The following SCAMP1 variants were observed in gnomAD, a reference collection of about 807,000 sequenced individuals.
SCAMP1 encodes secretory carrier membrane protein 1.
In SCAMP1, 15 loss-of-function variants were observed where a neutral mutation model predicts 41.8. That is an observed-to-expected ratio of 0.36 (90% CI 0.24 to 0.55). SCAMP1 has a LOEUF of 0.55. Ranked by LOEUF, SCAMP1 falls within the 20% of genes least tolerant of loss-of-function variation. The pLI, the probability that SCAMP1 is intolerant of heterozygous loss-of-function variation, is 0.86. For missense variants in SCAMP1, 341 were observed against 412.6 expected (o/e 0.83, Z 1.50); for synonymous variants, 135 against 136.8 (o/e 0.99, Z 0.09).
intron 2 of SCAMP1, among the ~76,000 whole-genome samples, chr5:78,389,601 A>G (rs1397668393): frequency 6.6e-6 from 1 of 152,114 alleles, no homozygotes; most frequent in African/African-American, 2.4e-5. Flanking sequence ...AAAATGTACA[A>G]GTATGAAAAA....
intron 7 of SCAMP1, 93 bp downstream of exon 7, chr5:78,450,127 T>G (rs116527093): frequency 1.5e-6 from 1 of 684,060 alleles, no homozygotes; most frequent in Non-Finnish European, 2.5e-6. Flanking sequence ...TAAACCAGAT[T>G]AGAAAAATTA....
At chr5:78,377,361 G>C (rs145365868) in intron 1 of SCAMP1, among the ~76,000 whole-genome samples, 34 of 152,188 alleles carry the variant, frequency 2.2e-4, no homozygotes, top group African/African-American at 8.2e-4. Flanking sequence ...GCTGTTGTCA[G>C]CTTCTACTGC....
intron 2 of SCAMP1, among the ~76,000 whole-genome samples, chr5:78,402,768 C>T (rs757438325): frequency 5.0e-4 from 76 of 151,540 alleles, no homozygotes; most frequent in Non-Finnish European, 7.4e-4. Context: ...GCCTTGAGAC[C>T]GTTGATGTTC....
chr5:78,446,746 G>T (rs1376470079), intron 6 of SCAMP1, among the ~76,000 whole-genome samples: 1 of 152,158 alleles, frequency 6.6e-6, no homozygotes, highest in Non-Finnish European at 1.5e-5. Context: ...TTTCTCAGCT[G>T]TATGGTCATT....
chr5:78,467,534 G>A (rs1327311478), intron 8 of SCAMP1, among the ~76,000 whole-genome samples: 7 of 152,128 alleles, frequency 4.6e-5, no homozygotes, highest in Non-Finnish European at 7.3e-5. Context: ...TGACTTTCTC[G>A]AATAAAAGTA....
chr5:78,412,503 T>C (rs1180216134), intron 2 of SCAMP1, among the ~76,000 whole-genome samples: 1 of 152,188 alleles, frequency 6.6e-6, no homozygotes, highest in African/African-American at 2.4e-5. Context: ...ACCTTTTGTA[T>C]TTCCATTGAC....
intron 4 of SCAMP1, 81 bp downstream of exon 4, chr5:78,416,730 C>T (rs1378768856): frequency 2.8e-6 from 3 of 1,055,822 alleles, no homozygotes; most frequent in African/African-American, 1.6e-5. Context: ...GGTCATTTGG[C>T]CTGTGGATAA....
At chr5:78,382,843 G>A (rs913575941) in intron 1 of SCAMP1, among the ~76,000 whole-genome samples, 6 of 146,922 alleles carry the variant, frequency 4.1e-5, no homozygotes, top group South Asian at 2.2e-4. Context: ...GTATCCACTC[G>A]TTGATTGATA....
chr5:78,383,217 T>C (rs1451248480), intron 1 of SCAMP1, among the ~76,000 whole-genome samples: 7 of 152,228 alleles, frequency 4.6e-5, no homozygotes, highest in Admixed American at 3.3e-4. Flanking sequence ...TTCATATGTT[T>C]ATGGGCCATT....
At chr5:78,460,820 C>CTTTCTTTCTTTCTTTCTTT (rs1201206613) in intron 8 of SCAMP1, among the ~76,000 whole-genome samples, 2 of 28,172 alleles carry the variant, frequency 7.1e-5, no homozygotes, top group Non-Finnish European at 2.4e-4. Context: ...TTCCTTCCTT[C>CTTTCTTTCTTTCTTTCTTT]CTTTCTTGTC....
At position 78,421,863 on chromosome 5, in the gene SCAMP1, G is replaced by C; in HGVS notation, c.535G>C (p.Ala179Pro). 1 of 1,613,786 alleles carries C rather than the reference G, an allele frequency of 6.2e-7. No homozygotes were observed. The highest frequency in any genetic ancestry group is 8.5e-7 in the Non-Finnish European group (1 of 1,179,782). ...GCLAWFCVDS[A>P]RAVDFGLSIL... ...CTTGGCTTGGTTTTGTGTTGATTCT[G>C]CAAGAGCGGTTGATTTTGGATTGAG... The change falls in exon 6 of 9, where the codon GCA (alanine) becomes CCA (proline). Residue 179 changes from alanine to proline, a missense_variant. Coordinates refer to ENST00000621999, the MANE Select transcript of SCAMP1 (RefSeq NM_004866.6).
intron 2 of SCAMP1, among the ~76,000 whole-genome samples, chr5:78,399,299 A>G (rs1358952605): frequency 3.9e-5 from 6 of 152,308 alleles, no homozygotes; most frequent in African/African-American, 4.8e-5. Context: ...GGTTTTTTGT[A>G]TGGATGTAAG....
chr5:78,429,709 C>T (rs771294754), intron 6 of SCAMP1, among the ~76,000 whole-genome samples: 4 of 152,006 alleles, frequency 2.6e-5, no homozygotes, highest in Non-Finnish European at 4.4e-5. Flanking sequence ...AGATGTTTCT[C>T]AGTTTGTTAT....
At chr5:78,391,791 G>A (rs916374420) in intron 2 of SCAMP1, among the ~76,000 whole-genome samples, 1 of 152,212 alleles carries the variant, frequency 6.6e-6, no homozygotes, top group Non-Finnish European at 1.5e-5. Flanking sequence ...GATCACTTGC[G>A]GTTAGGAGCT....
chr5:78,470,179 A>G (rs1162507230), intron 8 of SCAMP1, among the ~76,000 whole-genome samples: 1 of 152,248 alleles, frequency 6.6e-6, no homozygotes, highest in East Asian at 1.9e-4. Flanking sequence ...GTGGCAAAAT[A>G]TGTATAACAT....
intron 1 of SCAMP1, among the ~76,000 whole-genome samples, chr5:78,382,506 G>A (rs1466635950): frequency 6.6e-6 from 1 of 152,012 alleles, no homozygotes; most frequent in African/African-American, 2.4e-5. Flanking sequence ...CTGAGATTTT[G>A]GTGCACCTGT....
At chr5:78,439,306 G>T (rs1044837959) in intron 6 of SCAMP1, among the ~76,000 whole-genome samples, 3 of 152,144 alleles carry the variant, frequency 2.0e-5, no homozygotes, top group Non-Finnish European at 2.9e-5. Flanking sequence ...TTTCTTCCTA[G>T]CATCGATGGC....
chr5:78,441,044 T>C (rs1752909852), intron 6 of SCAMP1, among the ~76,000 whole-genome samples: 1 of 152,214 alleles, frequency 6.6e-6, no homozygotes, highest in African/African-American at 2.4e-5. Context: ...TGCCGTTTGC[T>C]AAGACCATTG....
chr5:78,381,465 G>A (rs1387856530), intron 1 of SCAMP1, among the ~76,000 whole-genome samples: 1 of 152,184 alleles, frequency 6.6e-6, no homozygotes, highest in Non-Finnish European at 1.5e-5. Flanking sequence ...GAAAGTGCTT[G>A]TTGATCCTAA....
Sources: gnomAD v4.1 joint callset for allele counts (sites outside exome capture counted in the v4.1 genomes callset) on GRCh38, gnomAD v4.1.1 for gene constraint, MANE v1.5 for transcripts, NCBI Gene and HGNC (gene_info 2026-07-23, HGNC 2026-07-21) for gene names.